The following ZBED6 variants were observed in gnomAD, a reference collection of about 807,000 sequenced individuals.
The protein encoded by ZBED6 is zinc finger BED-type containing 6.
Under a neutral mutation model 58.4 loss-of-function variants are expected in ZBED6, and 40 were observed. That is an observed-to-expected ratio of 0.68 (90% confidence interval 0.53 to 0.89). The LOEUF is 0.89. Ranked by LOEUF, ZBED6 falls within the 40% of genes least tolerant of loss-of-function variation. The probability of loss-of-function intolerance (pLI) is 0.00; values close to 1 mark genes in which losing one functional copy is unlikely to be tolerated. For missense variants in ZBED6, 1,057 were observed against 1,003.9 expected (o/e 1.05, Z -0.71); for synonymous variants, 439 against 350.6 (o/e 1.25, Z -2.82).
rs548058070 is a variant in ZBED6 at position 203,842,355 on chromosome 1, G to A, written c.*3741+1981G>A. Among the ~76,000 whole-genome samples, 456 of 152,280 alleles carry A rather than the reference G, an allele frequency of 3.0e-3. 2 individuals carry two copies. The highest frequency in any genetic ancestry group is 9.9e-3 in the African/African-American group (410 of 41,560). ...ACTCCGTCTGCAATCCCGGCACCTC[G>A]GGAGGCTGAGGCAGGCAGATCACTC... On this transcript the variant is annotated intron_variant, in intron 11 of 16. Coordinates refer to ENST00000550078, the Ensembl canonical transcript of ZBED6.
At chr1:203,852,315 C>A (rs2103486176) in exon 17 of ZBED6, 1 of 1,613,604 alleles carries the variant, frequency 6.2e-7, no homozygotes, top group Non-Finnish European at 8.5e-7. Context: ...TTTCAGGAGG[C>A]AAATTGGAAG....
intron 11 of ZBED6, among the ~76,000 whole-genome samples, chr1:203,840,641 A>T (rs199625539): frequency 7.1e-6 from 1 of 141,340 alleles, no homozygotes; most frequent in East Asian, 2.1e-4. Flanking sequence ...TATTTATTTT[A>T]TTTATTTTTG....
intron 3 of ZBED6, among the ~76,000 whole-genome samples, chr1:203,820,299 CCTT>C (rs912278615): frequency 4.0e-5 from 6 of 151,698 alleles, no homozygotes; most frequent in Admixed American, 6.6e-5. Flanking sequence ...AGTTTTGTCT[CCTT>C]CTGTTGAGAG....
chr1:203,829,492 A>C, exon 5 of ZBED6: 1 of 1,613,972 alleles, frequency 6.2e-7, no homozygotes, highest in African/African-American at 1.3e-5. Context: ...AGAGGAAGTG[A>C]AGGCTAGCCA....
At chr1:203,805,333 A>G (rs1360077336) in intron 1 of ZBED6, among the ~76,000 whole-genome samples, 1 of 151,830 alleles carries the variant, frequency 6.6e-6, no homozygotes, top group African/African-American at 2.4e-5. Context: ...GGGTTTCACC[A>G]TGTTGGCCAG....
intron 1 of ZBED6, among the ~76,000 whole-genome samples, chr1:203,804,593 T>A (rs1001199874): frequency 6.6e-6 from 1 of 152,088 alleles, no homozygotes; most frequent in African/African-American, 2.4e-5. Context: ...TTTATTATTT[T>A]CAATTTGTTT....
chr1:203,838,754 C>A (rs1558133651), intron 10 of ZBED6, among the ~76,000 whole-genome samples: 1 of 151,976 alleles, frequency 6.6e-6, no homozygotes, highest in Admixed American at 6.6e-5. Flanking sequence ...TGTTTGAGAC[C>A]AGTCTGGCCA....
At chr1:203,840,959 TAAATATACAATAAAAA>T (rs1229332965) in intron 11 of ZBED6, among the ~76,000 whole-genome samples, 2 of 152,062 alleles carry the variant, frequency 1.3e-5, no homozygotes, top group Non-Finnish European at 1.5e-5. Context: ...AGAAACAACT[TAAATATACAATAAAAA>T]GGGTTTAGAT....
At chr1:203,821,413 T>C (rs1678652097) in intron 3 of ZBED6, among the ~76,000 whole-genome samples, 1 of 152,176 alleles carries the variant, frequency 6.6e-6, no homozygotes, top group Admixed American at 6.5e-5. Flanking sequence ...TGTGTCGTAC[T>C]CTGTTACTAT....
At position 203,828,280 on chromosome 1, in the gene ZBED6, G is replaced by A. The variant is rs1337982901; in HGVS notation, c.*2874-19G>A. ...TATCACTGTTTTATTTGAAAGCAAT[G>A]TGTTTTTCCCTCTTACAGAAAAAAC... On this transcript the variant is annotated intron_variant, in intron 3 of 16. Coordinates refer to ENST00000550078, the Ensembl canonical transcript of ZBED6. 3.7e-6 allele frequency: 6 copies of A among 1,613,802 alleles called. No homozygotes were observed. The highest frequency in any genetic ancestry group is 4.2e-6 in the Non-Finnish European group (5 of 1,179,842).
intron 9 of ZBED6, among the ~76,000 whole-genome samples, chr1:203,837,163 G>A (rs140718047): frequency 6.1e-4 from 92 of 151,900 alleles, no homozygotes; most frequent in Middle Eastern, 3.4e-3. Context: ...GGCATGGCAT[G>A]TGCCTATAGT....
At chr1:203,847,112 G>T in intron 11 of ZBED6, 72 bp from the exon 12 acceptor site, 1 of 1,531,348 alleles carries the variant, frequency 6.5e-7, no homozygotes, top group South Asian at 1.2e-5. Context: ...CTTGATCCAA[G>T]AATAGAGAGA....
intron 3 of ZBED6, 102 bp downstream of exon 3, chr1:203,818,791 T>C: frequency 6.5e-7 from 1 of 1,541,410 alleles, no homozygotes; most frequent in Non-Finnish European, 8.8e-7. Context: ...ATATTAAGGC[T>C]GAGTGCAGTG....
At chr1:203,817,352 C>T (rs368670238) in intron 2 of ZBED6, among the ~76,000 whole-genome samples, 4 of 152,060 alleles carry the variant, frequency 2.6e-5, no homozygotes, top group Admixed American at 1.3e-4. Context: ...TGAAAAGGCA[C>T]GTGGCATGTA....
intron 1 of ZBED6, chr1:203,805,865 C>A: frequency 1.2e-6 from 1 of 866,274 alleles, no homozygotes; most frequent in East Asian, 3.2e-5. Context: ...TCCATCATGT[C>A]CACTAGCTGG....
At chr1:203,801,788 G>A (rs371132458) in exon 1 of ZBED6, 1 of 149,102 alleles carries the variant, frequency 6.7e-6, no homozygotes, top group Non-Finnish European at 1.5e-5. Flanking sequence ...TCATTTCTAT[G>A]TATCAAAATC....
intron 9 of ZBED6, chr1:203,835,448 A>G (rs1349076579): frequency 1.3e-5 from 2 of 154,304 alleles, no homozygotes; most frequent in African/African-American, 4.8e-5. Flanking sequence ...GAAATGAGGC[A>G]GTCTTTAGAA....
exon 1 of ZBED6, chr1:203,797,716 A>G: frequency 6.5e-7 from 1 of 1,535,256 alleles, no homozygotes; most frequent in Non-Finnish European, 8.7e-7. Context: ...AAGAAAAGAA[A>G]GAAGGGTTTG....
intron 1 of ZBED6, among the ~76,000 whole-genome samples, chr1:203,811,431 CCGGTAA>C (rs1249199548): frequency 6.6e-5 from 10 of 152,200 alleles, no homozygotes. Flanking sequence ...CTTTCTAAAA[CCGGTAA>C]CAGTTTCAAA....
Sources: allele counts gnomAD v4.1 joint callset (sites outside exome capture counted in the v4.1 genomes callset), GRCh38; gene constraint gnomAD v4.1.1; transcripts MANE v1.5; gene names NCBI Gene and HGNC (gene_info 2026-07-23, HGNC 2026-07-21).